The following DNAH9 variants were observed in gnomAD, a reference collection of about 807,000 sequenced individuals.
DNAH9 encodes the protein DNAH9 variant protein.
DNAH9 carries 345 observed loss-of-function variants against 471.6 expected under a neutral mutation model. That is an observed-to-expected ratio of 0.73 (90% CI 0.67 to 0.80). The LOEUF (loss-of-function observed/expected upper bound fraction) is 0.80. DNAH9 is among the 30% of genes least tolerant of loss of function. The probability of loss-of-function intolerance (pLI) is 0.00; values close to 1 mark genes in which losing one functional copy is unlikely to be tolerated. For missense variants in DNAH9, 5,407 were observed against 5,609.2 expected, an observed-to-expected ratio of 0.96 and a Z score of 1.15; for synonymous variants, 2,093 against 2,123.6, an observed-to-expected ratio of 0.99 and a Z score of 0.40.
Position 11,619,728 on chromosome 17 carries a change from T to C in DNAH9, c.1297T>C (p.Ser433Pro), listed in dbSNP as rs140185825. Residue 433 changes from serine (S) to proline (P), a missense_variant, in exon 6 of 69, where the codon TCT becomes CCT. Coordinates refer to ENST00000262442, the MANE Select transcript of DNAH9 (RefSeq NM_001372.4). ...AGTCAAGGAATGGGATTTCCAGTCTTCTTTGGTCTTTGTGCGATTGGATGG... is the reference window on the plus strand; with the variant it reads ...AGTCAAGGAATGGGATTTCCAGTCTCCTTTGGTCTTTGTGCGATTGGATGG... ...QEVKEWDFQS[S>P]LVFVRLDGFL... 1.2e-5 allele frequency: 19 copies of C among 1,613,966 alleles called. No individual in the cohort carries two copies. In the African/African-American group the frequency reaches 2.3e-4, roughly 19 times the overall value.
intron 41 of DNAH9, among the ~76,000 whole-genome samples, chr17:11,792,316 G>A (rs939902099): frequency 2.0e-5 from 3 of 152,152 alleles, no homozygotes; most frequent in African/African-American, 7.2e-5. Context: ...TTGTAGTAAT[G>A]TTGTCACCAG....
At chr17:11,960,464 C>CAAAAAAAAAAAAAAAAAAAAAA (rs1976026483) in intron 67 of DNAH9, among the ~76,000 whole-genome samples, 1 of 86,458 alleles carries the variant, frequency 1.2e-5, no homozygotes, top group Non-Finnish European at 2.3e-5. Context: ...AAAAAAAAAT[C>CAAAAAAAAAAAAAAAAAAAAAA]CAAAAGTGGC....
chr17:11,915,163 C>T (rs1973903378), intron 61 of DNAH9, among the ~76,000 whole-genome samples: 1 of 152,220 alleles, frequency 6.6e-6, no homozygotes, highest in African/African-American at 2.4e-5. Flanking sequence ...AAACCCTTGC[C>T]ATTCTGCAGC....
In DNAH9 at chr17:11,936,624, AGAGT is replaced by A. The variant is rs376254220; in HGVS notation, c.12490-724_12490-721del. On this transcript the variant is annotated intron_variant, in intron 65 of 68. Transcript: ENST00000262442. ...ACTACTGTACTCTAGTTTTTTCAGC[AGAGT>A]GAGAGCCTGTCTCACACACACACAA... 2.1e-3 allele frequency among the ~76,000 whole-genome samples: 320 copies of A among 152,264 alleles called. 2 individuals carry two copies. Among genetic ancestry groups the A allele is most frequent in the African/African-American group, 7.1e-3 (296 of 41,532 alleles).
chr17:11,664,015 G>A (rs987157669), intron 14 of DNAH9, among the ~76,000 whole-genome samples: 10 of 152,084 alleles, frequency 6.6e-5, no homozygotes, highest in Admixed American at 6.6e-4. Flanking sequence ...CCCTGAAGAG[G>A]TAAATATGAA....
At position 11,669,709 on chromosome 17, in the gene DNAH9, C is replaced by T. The variant is rs764052121; in HGVS notation, c.3268C>T (p.Arg1090Ter). The change falls in exon 17 of 69, where the codon CGA (arginine) becomes TGA (stop). Residue 1090 changes from arginine (R) to a stop codon, truncating the protein, a stop_gained. Transcript: ENST00000262442. LOFTEE classifies it high-confidence loss of function. ...TGACGGCTGGATGAAAATTGATATT[C>T]GACCCTTTAAGGCATCTCTGCTGAA... ...VFDGWMKIDI[R>*]PFKASLLNII... The T allele has an allele frequency of 4.3e-6, 7 of 1,613,990 alleles. No homozygotes were observed. In the African/African-American group the frequency reaches 6.7e-5, roughly 15 times the overall value.
intron 49 of DNAH9, among the ~76,000 whole-genome samples, chr17:11,848,355 T>A (rs1314767779): frequency 6.6e-6 from 1 of 152,176 alleles, no homozygotes; most frequent in African/African-American, 2.4e-5. Flanking sequence ...TTGCATAATA[T>A]GCATACATTA....
At chr17:11,749,285 C>T (rs138975579) in intron 32 of DNAH9, among the ~76,000 whole-genome samples, 1,874 of 151,852 alleles carry the variant, frequency 0.012, 44 homozygotes, top group African/African-American at 0.043. Context: ...AGGGTTTCAC[C>T]GTGTCAGCCA....
intron 1 of DNAH9, among the ~76,000 whole-genome samples, chr17:11,600,285 G>A (rs2072357819): frequency 6.6e-6 from 1 of 152,182 alleles, no homozygotes; most frequent in African/African-American, 2.4e-5. Flanking sequence ...TGTGATCTGA[G>A]AAGCATGCTT....
intron 38 of DNAH9, among the ~76,000 whole-genome samples, chr17:11,780,658 G>C (rs1228117168): frequency 2.0e-5 from 3 of 152,216 alleles, no homozygotes; most frequent in African/African-American, 7.2e-5. Context: ...AGCCAGTAAA[G>C]TTGCTGAGTT....
chr17:11,923,112 G>A (rs570062105), intron 61 of DNAH9, among the ~76,000 whole-genome samples: 89 of 151,828 alleles, frequency 5.9e-4, no homozygotes, highest in African/African-American at 2.0e-3. Flanking sequence ...TTTCGCTCTT[G>A]TTGCCCAGGC....
At chr17:11,780,972 T>G in intron 38 of DNAH9, 37 bp from the exon 39 acceptor site, 1 of 1,598,402 alleles carries the variant, frequency 6.3e-7, no homozygotes. Context: ...ATCTGAGATT[T>G]GAGCCGCCTT....
chr17:11,757,631 G>C lies in DNAH9; in HGVS notation c.6934G>C (p.Ala2312Pro), dbSNP rs144380773. 1.2e-5 allele frequency: 20 copies of C among 1,614,050 alleles called. No individual in the cohort carries two copies. The highest frequency in any genetic ancestry group is 1.6e-5 in the Non-Finnish European group (19 of 1,180,022). The change falls in exon 35 of 69, where the codon GCC becomes CCC. Residue 2312 changes from alanine (A) to proline (P), a missense_variant. Ala to Pro is a conservative substitution (Grantham distance 27). Coordinates refer to ENST00000262442, the MANE Select transcript of DNAH9 (RefSeq NM_001372.4). Reference protein sequence around the residue: ...IEKREIQTERANLTILFDKYL... With the variant: ...IEKREIQTERPNLTILFDKYL... ...GAAGAGGGAAATCCAGACAGAGAGA[G>C]CCAACTTAACCATTTTGTTCGACAA...
intron 10 of DNAH9, among the ~76,000 whole-genome samples, chr17:11,641,849 G>T (rs1340747355): frequency 6.6e-6 from 1 of 152,136 alleles, no homozygotes; most frequent in Non-Finnish European, 1.5e-5. Context: ...AGGAAGGGAG[G>T]GGAAACAGAT....
chr17:11,796,395 A>G (rs4792179), intron 42 of DNAH9, among the ~76,000 whole-genome samples: 79,560 of 152,210 alleles, frequency 0.52, 21,019 homozygotes, highest in Non-Finnish European at 0.54. Flanking sequence ...AAAGTTTTCT[A>G]TAGTTTTTGA....
At chr17:11,960,909 A>G (rs1446660547) in intron 67 of DNAH9, among the ~76,000 whole-genome samples, 1 of 152,224 alleles carries the variant, frequency 6.6e-6, no homozygotes, top group Non-Finnish European at 1.5e-5. Context: ...GAGACAGCCA[A>G]ACGCTGTCAG....
chr17:11,629,455 A>G lies in DNAH9; in HGVS notation c.1389A>G (p.Gly463=). Residue 463 remains glycine (G), a synonymous_variant, in exon 7 of 69, where the codon GGA becomes GGG. Coordinates refer to ENST00000262442, the MANE Select transcript of DNAH9 (RefSeq NM_001372.4). ...CGGCCCTGGATTTCCACAAACTGGG[A>G]AAGGTGGAGTTCAGCGGCGTCAGAG... ...LKTALDFHKL[G]KVEFSGVRGN... 15 of 1,614,072 alleles carry G rather than the reference A, an allele frequency of 9.3e-6. No individual in the cohort carries two copies. The highest frequency in any genetic ancestry group is 1.1e-5 in the Non-Finnish European group (13 of 1,179,968).
chr17:11,799,964 T>G (rs1287815702), intron 43 of DNAH9, among the ~76,000 whole-genome samples: 2 of 152,154 alleles, frequency 1.3e-5, no homozygotes, highest in Non-Finnish European at 2.9e-5. Context: ...GTTGATTGTT[T>G]TTGCTCCAGA....
chr17:11,759,923 T>A (rs1231787771), intron 35 of DNAH9, among the ~76,000 whole-genome samples: 1 of 152,140 alleles, frequency 6.6e-6, no homozygotes, highest in Admixed American at 6.5e-5. Flanking sequence ...CTTGACCTTG[T>A]GATGTGGCCG....
Sources: allele counts gnomAD v4.1 joint callset (sites outside exome capture counted in the v4.1 genomes callset), GRCh38; gene constraint gnomAD v4.1.1; transcripts MANE v1.5; gene names NCBI Gene and HGNC (gene_info 2026-07-23, HGNC 2026-07-21).